The following TSPEAR variants were observed in gnomAD, a reference collection of about 807,000 sequenced individuals.
TSPEAR encodes thrombospondin-type laminin G domain and EAR repeat-containing protein.
In TSPEAR, 69 loss-of-function variants were observed where a neutral mutation model predicts 71.6. The ratio of observed to expected loss-of-function variants is 0.96; its 90% CI spans 0.79 to 1.18. The LOEUF is 1.18. Among genes scored for constraint, TSPEAR ranks in the 50% most tolerant of loss-of-function variants. TSPEAR has a pLI of 0.00. For missense variants in TSPEAR, 971 were observed against 894.9 expected (o/e 1.09, Z -1.09); for synonymous variants, 402 against 387.2 (o/e 1.04, Z -0.45).
intron 1 of TSPEAR, among the ~76,000 whole-genome samples, chr21:44,618,518 A>T (rs1320131544): frequency 6.6e-6 from 1 of 152,252 alleles, no homozygotes; most frequent in Non-Finnish European, 1.5e-5. Context: ...AAGCAAGGGA[A>T]CACATAATCA....
At chr21:44,683,262 A>C (rs1458463421) in intron 1 of TSPEAR, among the ~76,000 whole-genome samples, 1 of 151,066 alleles carries the variant, frequency 6.6e-6, no homozygotes, top group African/African-American at 2.4e-5. Context: ...CAAAAACTGC[A>C]CAAGATTAAG....
intron 1 of TSPEAR, among the ~76,000 whole-genome samples, chr21:44,689,146 A>G (rs1224045300): frequency 6.6e-6 from 1 of 152,316 alleles, no homozygotes; most frequent in South Asian, 2.1e-4. Flanking sequence ...ACGAAAAGCA[A>G]GACCAAGATA....
rs587597352 is a variant in TSPEAR at position 44,628,563 on chromosome 21, C to T, written c.83-60558G>A. Among the ~76,000 whole-genome samples, 21 of 152,120 alleles carry T rather than the reference C, an allele frequency of 1.4e-4. No homozygotes were observed. The East Asian group carries it at 3.7e-3, about 27-fold the overall frequency. On this transcript the variant is annotated intron_variant, in intron 1 of 11. Coordinates refer to ENST00000323084, the MANE Select transcript of TSPEAR (RefSeq NM_144991.3). ...GCACGTTCTGCTGTCCGGCTCCCCT[C>T]CCAGGTCCTGTGGGGCCCAAAAGCC...
At chr21:44,522,956 T>G (rs1555914461) in intron 8 of TSPEAR, among the ~76,000 whole-genome samples, 1 of 152,258 alleles carries the variant, frequency 6.6e-6, no homozygotes, top group Non-Finnish European at 1.5e-5. Flanking sequence ...AGTCAGTCAT[T>G]GAGGTAGTCA....
intron 1 of TSPEAR, among the ~76,000 whole-genome samples, chr21:44,659,182 G>A (rs1384058893): frequency 1.3e-5 from 2 of 152,166 alleles, no homozygotes; most frequent in Non-Finnish European, 2.9e-5. Context: ...CTGCCTCTGG[G>A]GAAAGGCAGA....
At chr21:44,693,518 A>G (rs1473673936) in intron 1 of TSPEAR, among the ~76,000 whole-genome samples, 2 of 152,220 alleles carry the variant, frequency 1.3e-5, no homozygotes, top group African/African-American at 4.8e-5. Context: ...GATTGAGTAG[A>G]CATTTCTCCA....
At chr21:44,549,147 T>C (rs184328281) in intron 2 of TSPEAR, among the ~76,000 whole-genome samples, 1 of 152,306 alleles carries the variant, frequency 6.6e-6, no homozygotes, top group African/African-American at 2.4e-5. Flanking sequence ...TAGACCCGAT[T>C]GGCTAAACAT....
intron 1 of TSPEAR, among the ~76,000 whole-genome samples, chr21:44,650,962 C>T (rs1031675803): frequency 6.6e-5 from 10 of 152,160 alleles, no homozygotes; most frequent in Non-Finnish European, 1.3e-4. Context: ...GACAGGGTGA[C>T]ACTCCCTGAT....
At chr21:44,508,976 G>A in intron 10 of TSPEAR, 1 of 1,535,744 alleles carries the variant, frequency 6.5e-7, no homozygotes, top group Non-Finnish European at 8.8e-7. Context: ...ACCCGGCTCT[G>A]GGAACCAAAC....
intron 1 of TSPEAR, chr21:44,677,491 G>A: frequency 1.2e-6 from 1 of 825,308 alleles, no homozygotes; most frequent in Non-Finnish European, 2.1e-6. Flanking sequence ...ACTTGTTCTT[G>A]TTTTTCCTCT....
chr21:44,664,585 AG>A (rs1985654776), intron 1 of TSPEAR, among the ~76,000 whole-genome samples: 1 of 152,224 alleles, frequency 6.6e-6, no homozygotes, highest in African/African-American at 2.4e-5. Flanking sequence ...GGAAAGACAA[AG>A]AAACTAGAGT....
chr21:44,575,143 T>A, intron 1 of TSPEAR: 1 of 957,940 alleles, frequency 1.0e-6, no homozygotes, highest in Non-Finnish European at 1.5e-6. Context: ...AGCTGGACAA[T>A]GGAAGAACTG....
chr21:44,591,632 G>A, intron 1 of TSPEAR: 1 of 1,613,838 alleles, frequency 6.2e-7, no homozygotes, highest in Non-Finnish European at 8.5e-7. Flanking sequence ...CAGCTAGACT[G>A]CTGGCAGCAT....
intron 1 of TSPEAR, among the ~76,000 whole-genome samples, chr21:44,568,323 C>T (rs993118050): frequency 2.6e-5 from 4 of 152,246 alleles, no homozygotes; most frequent in South Asian, 2.1e-4. Context: ...GTGAGCTGTG[C>T]GGGACGAAGG....
At chr21:44,627,738 G>A (rs782749525) in intron 1 of TSPEAR, 8 of 1,594,912 alleles carry the variant, frequency 5.0e-6, no homozygotes, top group African/African-American at 2.7e-5. Flanking sequence ...TCTGCTGTAA[G>A]CCTGTCTGCT....
intron 1 of TSPEAR, among the ~76,000 whole-genome samples, chr21:44,699,486 GA>G (rs1225128319): frequency 9.9e-5 from 15 of 151,818 alleles, no homozygotes; most frequent in Admixed American, 6.5e-4. Context: ...CCTCCCAGAG[GA>G]AGTGGGTCCT....
chr21:44,702,879 A>G (rs1012306751), intron 1 of TSPEAR: 2 of 717,952 alleles, frequency 2.8e-6, no homozygotes, highest in Non-Finnish European at 4.7e-6. Flanking sequence ...CACACGCACT[A>G]GTACACACCG....
At chr21:44,685,663 T>G (rs1375198460) in intron 1 of TSPEAR, among the ~76,000 whole-genome samples, 1 of 152,246 alleles carries the variant, frequency 6.6e-6, no homozygotes, top group South Asian at 2.1e-4. Context: ...ACGTGGCTGA[T>G]GTTTTCATCC....
intron 11 of TSPEAR, among the ~76,000 whole-genome samples, chr21:44,503,523 G>A (rs587632683): frequency 2.2e-5 from 3 of 137,886 alleles, no homozygotes; most frequent in Non-Finnish European, 3.1e-5. Context: ...TGAGCCCTTG[G>A]GGGGAAGCCG....
Sources: gnomAD v4.1 joint callset for allele counts (sites outside exome capture counted in the v4.1 genomes callset) on GRCh38, gnomAD v4.1.1 for gene constraint, MANE v1.5 for transcripts, NCBI Gene and HGNC (gene_info 2026-07-23, HGNC 2026-07-21) for gene names.